Variants in FBXW8 observed in about 807,000 individuals in gnomAD.
The protein encoded by FBXW8 is F-box/WD repeat-containing protein 8.
A neutral mutation model predicts 65.3 loss-of-function variants in FBXW8; 57 were observed. That is an observed-to-expected ratio of 0.87 (90% CI 0.71 to 1.09). The LOEUF (loss-of-function observed/expected upper bound fraction) is 1.09, where lower values mean the gene tolerates loss of function less well. FBXW8 is among the 50% of genes least tolerant of loss of function. The pLI is 0.00. For missense variants in FBXW8, 777 were observed against 814.8 expected, an observed-to-expected ratio of 0.95 and a Z score of 0.57; for synonymous variants, 308 against 330.2, an observed-to-expected ratio of 0.93 and a Z score of 0.73.
At chr12:117,007,369 G>A (rs1953702552) in intron 7 of FBXW8, among the ~76,000 whole-genome samples, 1 of 152,106 alleles carries the variant, frequency 6.6e-6, no homozygotes, top group South Asian at 2.1e-4. Context: ...CAAAGAGGAG[G>A]AAAAATTCTT....
At chr12:116,921,772 A>G (rs756029722) in intron 1 of FBXW8, among the ~76,000 whole-genome samples, 7 of 151,856 alleles carry the variant, frequency 4.6e-5, no homozygotes, top group African/African-American at 7.3e-5. Context: ...AGTCTTTAGT[A>G]ATATAATTGC....
intron 2 of FBXW8, among the ~76,000 whole-genome samples, chr12:116,929,823 T>A (rs2137312667): frequency 1.3e-5 from 2 of 152,308 alleles, no homozygotes; most frequent in South Asian, 4.1e-4. Context: ...TCCTTTGACA[T>A]CTTTCCAGTG....
chr12:116,935,343 T>C (rs528620789), intron 2 of FBXW8, among the ~76,000 whole-genome samples: 1 of 152,356 alleles, frequency 6.6e-6, no homozygotes, highest in African/African-American at 2.4e-5. Flanking sequence ...ATCCAGGTGC[T>C]TATAGCTAAA....
At chr12:117,013,373 G>A (rs1953871637) in intron 8 of FBXW8, among the ~76,000 whole-genome samples, 1 of 152,218 alleles carries the variant, frequency 6.6e-6, no homozygotes. Flanking sequence ...AAAGATGGGA[G>A]CGGAGAGAAA....
intron 2 of FBXW8, among the ~76,000 whole-genome samples, chr12:116,937,511 G>A (rs749906012): frequency 3.2e-4 from 48 of 152,308 alleles, no homozygotes; most frequent in Admixed American, 2.0e-3. Flanking sequence ...TGGGATAAAT[G>A]TTTTCCAGGA....
In FBXW8 at chr12:117,028,684, G is replaced by C. The variant is rs1460316600; in HGVS notation, c.*512G>C. ...TGACACTTGCCACCACCACCTTCCA[G>C]TAGCAAGCTGGTAGAGCTGTACTTT... is the stretch of plus-strand genomic sequence containing the variant. On this transcript the variant is annotated 3_prime_UTR_variant, in exon 11 of 11. Coordinates refer to ENST00000652555, the MANE Select transcript of FBXW8 (RefSeq NM_153348.3). The surrounding 1 kb of genome is among the most constrained non-coding windows in gnomAD (Gnocchi z 4.1). The C allele has an allele frequency of 6.4e-6, 1 of 157,164 alleles. No individual in the cohort carries two copies. Among genetic ancestry groups the C allele is most frequent in the African/African-American group, 2.4e-5 (1 of 41,540 alleles). The allele number at this position is 157,164 out of a possible 1,614,324, so 9.7% of individuals were successfully genotyped here. A position where few individuals can be genotyped will look rare whatever the true frequency, so the allele number is the denominator to read the frequency against.
chr12:117,030,222 C>CAGAT lies in FBXW8; in HGVS notation c.*2054_*2057dup, dbSNP rs1196568500. ...TCTCCAACTACACAGGGGAACGGAG[C>CAGAT]AGATAGAGCTGCGACTGGGAAGCGT... On this transcript the variant is annotated 3_prime_UTR_variant, in exon 11 of 11. Coordinates refer to ENST00000652555, the MANE Select transcript of FBXW8 (RefSeq NM_153348.3). 12 of 152,338 alleles carry CAGAT rather than the reference C, an allele frequency of 7.9e-5. No homozygotes were observed. Among genetic ancestry groups the CAGAT allele is most frequent in the African/African-American group, 2.6e-4 (11 of 41,570 alleles). The allele number at this position is 152,338 out of a possible 1,614,324, so 9.4% of individuals were successfully genotyped here.
At chr12:116,973,565 G>A (rs893529322) in intron 5 of FBXW8, among the ~76,000 whole-genome samples, 6 of 152,198 alleles carry the variant, frequency 3.9e-5, no homozygotes, top group Admixed American at 1.3e-4. Context: ...TATTATTCCA[G>A]CCAAAAGTGC....
At chr12:116,926,594 ATTTTT>A (rs1881340983) in intron 1 of FBXW8, among the ~76,000 whole-genome samples, 2 of 152,126 alleles carry the variant, frequency 1.3e-5, no homozygotes, top group African/African-American at 4.8e-5. Flanking sequence ...ACTTTCCATT[ATTTTT>A]TTAGGCAAGC....
At chr12:116,939,885 G>A (rs1339660694) in intron 2 of FBXW8, among the ~76,000 whole-genome samples, 2 of 152,234 alleles carry the variant, frequency 1.3e-5, no homozygotes, top group Non-Finnish European at 2.9e-5. Flanking sequence ...ATTGCCCAGT[G>A]CTCAGACACT....
intron 2 of FBXW8, among the ~76,000 whole-genome samples, chr12:116,934,207 T>G (rs1881993475): frequency 6.6e-6 from 1 of 152,146 alleles, no homozygotes; most frequent in African/African-American, 2.4e-5. Flanking sequence ...AGGCTTTATG[T>G]TTTGAAAACT....
chr12:116,932,164 T>G (rs908141483), intron 2 of FBXW8, among the ~76,000 whole-genome samples: 1 of 152,216 alleles, frequency 6.6e-6, no homozygotes, highest in Non-Finnish European at 1.5e-5. Flanking sequence ...TGATTTTTCG[T>G]AAGTTAAATG....
chr12:116,957,070 C>T (rs955117964), intron 4 of FBXW8, among the ~76,000 whole-genome samples: 6 of 151,990 alleles, frequency 3.9e-5, no homozygotes, highest in African/African-American at 1.2e-4. Flanking sequence ...TGTTATTAGC[C>T]GGGCACAGTG....
chr12:116,935,822 G>A (rs916610082), intron 2 of FBXW8, among the ~76,000 whole-genome samples: 4 of 152,204 alleles, frequency 2.6e-5, no homozygotes, highest in Non-Finnish European at 1.5e-5. Flanking sequence ...AGGAGCCTAC[G>A]GAGGGCAGCA....
chr12:116,941,328 C>T (rs991410419), intron 2 of FBXW8, among the ~76,000 whole-genome samples: 2 of 152,228 alleles, frequency 1.3e-5, no homozygotes, highest in Non-Finnish European at 2.9e-5. Flanking sequence ...GCGTGACACT[C>T]TCAGCATTAG....
intron 8 of FBXW8, among the ~76,000 whole-genome samples, chr12:117,019,562 C>T (rs926639535): frequency 6.6e-6 from 1 of 152,142 alleles, no homozygotes; most frequent in Non-Finnish European, 1.5e-5. Context: ...CCTAAAACGA[C>T]GTGTTGTTCC....
intron 8 of FBXW8, among the ~76,000 whole-genome samples, chr12:117,020,769 C>T (rs1017487000): frequency 5.3e-5 from 8 of 152,182 alleles, no homozygotes; most frequent in Non-Finnish European, 7.3e-5. Flanking sequence ...CCCCTGAAGT[C>T]GCAGCTCACC....
chr12:116,984,833 A>G (rs1408307251), intron 5 of FBXW8, among the ~76,000 whole-genome samples: 1 of 152,154 alleles, frequency 6.6e-6, no homozygotes, highest in Non-Finnish European at 1.5e-5. Flanking sequence ...TCTCAGCTAA[A>G]TTAAAAATTA....
At position 116,985,219 on chromosome 12, in the gene FBXW8, T is replaced by C. The variant is rs371364870; in HGVS notation, c.849T>C (p.Ile283=). Residue 283 remains isoleucine, a synonymous_variant, in exon 6 of 11, where the codon ATT becomes ATC. Transcript: ENST00000652555. The part of the protein sequence containing the change: ...VAAYEDGFLN[I]WDLRTGKYPV... ...CTTGCTGCATAGGGTTTCTTAATAT[T>C]TGGGATTTAAGGACCGGAAAGTACC... 21 of 1,602,226 alleles carry C rather than the reference T, an allele frequency of 1.3e-5. No individual in the cohort carries two copies. Among genetic ancestry groups the C allele is most frequent in the Non-Finnish European group, 1.7e-5 (20 of 1,176,286 alleles).
Sources: allele counts gnomAD v4.1 joint callset (sites outside exome capture counted in the v4.1 genomes callset), GRCh38; gene constraint gnomAD v4.1.1; non-coding constraint Gnocchi (gnomAD v3.1); transcripts MANE v1.5; gene names NCBI Gene and HGNC (gene_info 2026-07-23, HGNC 2026-07-21).